Variants in VWA7 observed in about 807,000 individuals in gnomAD.
VWA7 encodes the protein von Willebrand factor A domain-containing protein 7.
A neutral mutation model predicts 83.1 loss-of-function variants in VWA7; 66 were observed. The observed-to-expected ratio is 0.79, with a 90% CI of 0.65 to 0.98. VWA7 has a LOEUF of 0.98. Among genes scored for constraint, VWA7 ranks in the 50% least tolerant of loss-of-function variants. The pLI is 0.00. For missense variants in VWA7, 1,080 were observed against 1,160.2 expected (o/e 0.93, Z 1.00); for synonymous variants, 424 against 488.5 (o/e 0.87, Z 1.74).
intron 5 of VWA7, among the ~76,000 whole-genome samples, chr6:31,774,213 G>C (rs908810280): frequency 6.6e-6 from 1 of 151,404 alleles, no homozygotes; most frequent in African/African-American, 2.4e-5. Flanking sequence ...GGGAATTCTG[G>C]AGTAAATCTT....
chr6:31,771,939 C>T (rs905977060), intron 7 of VWA7: 1 of 141,404 alleles, frequency 7.1e-6, no homozygotes, highest in African/African-American at 2.6e-5. Context: ...TGTAGTGAGC[C>T]GAGATCGCGC....
rs757981628 is a variant in VWA7 at position 31,774,531 on chromosome 6, G to A, written c.706C>T (p.Pro236Ser). The A allele has an allele frequency of 5.0e-6, 8 of 1,612,662 alleles. No homozygotes were observed. The highest frequency in any genetic ancestry group is 1.3e-5 in the African/African-American group (1 of 74,888). ...TGTCTGGTACCTGGAGGTTTCGGGG[G>A]ATGAGTTCCAAAGTAGCCAGAGGTG... The part of the protein sequence containing the change: ...LLTSGYFGTH[P>S]PKPPGKCSHG... Residue 236 changes from proline (P) to serine (S), a missense_variant, in exon 5 of 17, where the codon CCC (proline) becomes TCC (serine). Physicochemically the swap from Pro to Ser is moderately conservative, Grantham distance 74. Transcript: ENST00000375688.
rs1812668045 is a variant in VWA7 at position 31,776,148 on chromosome 6, GCACGAGACACCT to G, written c.317_328del (p.Glu106_Arg109del). The stretch of plus-strand genomic sequence containing the variant: ...TGGCAGGAAGTCCTGGGCTGCATTG[GCACGAGACACCT>G]CACCTAAGGCTGCTCGGAACCGCCG... On this transcript the variant is annotated inframe_deletion, in exon 3 of 17. Coordinates refer to ENST00000375688, the MANE Select transcript of VWA7 (RefSeq NM_025258.3). The surrounding 1 kb of genome is among the most constrained non-coding windows in gnomAD (Gnocchi z 6.2). 6.2e-7 allele frequency: 1 copy of G among 1,613,956 alleles called. No homozygotes were observed. The highest frequency in any genetic ancestry group is 1.3e-5 in the African/African-American group (1 of 74,922).
chr6:31,773,245 G>A lies in VWA7; in HGVS notation c.914C>T (p.Ser305Phe). 5.6e-6 allele frequency: 9 copies of A among 1,602,224 alleles called. No individual in the cohort carries two copies. Among genetic ancestry groups the A allele is most frequent in the African/African-American group, 1.3e-5 (1 of 74,958 alleles). The change falls in exon 6 of 17, where the codon TCC (serine) becomes TTC (phenylalanine). Residue 305 changes from serine (S) to phenylalanine (F), a missense_variant. By Grantham distance (155) the Ser-to-Phe change is radical (BLOSUM62 -2). Transcript: ENST00000375688. This position sits in a 1 kb window ranked among gnomAD's most constrained non-coding sequence, Gnocchi z 5.3. ...LRSRLGDRDF[S>F]RLLDITPASS... is the part of the protein sequence containing the mutation. ...CCATCCCCAGGAGGCCACTCACCTG[G>A]AGAAATCCCTGTCTCCCAGGCGGCT... is the stretch of plus-strand genomic sequence containing the variant.
rs375647167 is a variant in VWA7, at chr6:31,777,294, G to A, written c.-201C>T. On this transcript the variant is annotated 5_prime_UTR_variant, in exon 1 of 17. Coordinates refer to ENST00000375688, the MANE Select transcript of VWA7 (RefSeq NM_025258.3). The surrounding 1 kb of genome is among the most constrained non-coding windows in gnomAD (Gnocchi z 5.8). ...AGCCACAGGCAGCAGCCCACGCCAGGGCGGGCCTCCCTTGGCTGCAGTGCG... is the reference window on the plus strand; with the variant it reads ...AGCCACAGGCAGCAGCCCACGCCAGAGCGGGCCTCCCTTGGCTGCAGTGCG... 1.7e-4 allele frequency: 90 copies of A among 521,784 alleles called. 1 individual carries two copies. In the East Asian group the frequency reaches 2.8e-3, roughly 16 times the overall value. The allele number at this position is 521,784 out of a possible 1,614,324, so 32.3% of individuals were successfully genotyped here.
Position 31,767,146 on chromosome 6 carries a change from G to C in VWA7, c.1882+12C>G, listed in dbSNP as rs1436940023. 7.1e-7 allele frequency: 1 copy of C among 1,407,480 alleles called. No homozygotes were observed. Among genetic ancestry groups the C allele is most frequent in the Admixed American group, 2.8e-5 (1 of 36,116 alleles). The allele number at this position is 1,407,480 out of a possible 1,614,324, so 87.2% of individuals were successfully genotyped here. A position where few individuals can be genotyped will look rare whatever the true frequency, so the allele number is the denominator to read the frequency against. ...GGGGTTAGGTGGGTGGGGGCTCAGG[G>C]AATAAATGTACCTGCAACTGGCTGA... On this transcript the variant is annotated intron_variant, in intron 13 of 16. Coordinates refer to ENST00000375688, the MANE Select transcript of VWA7 (RefSeq NM_025258.3).
Position 31,766,395 on chromosome 6 carries a change from G to C in VWA7, c.2185-11C>G. Reference sequence around the variant, plus strand: ...CGAGGGGCCACTAAGCTGCAGAGAAGGGTTCTTCAGGGAAGGGGCCGCTCT... The same window carrying C: ...CGAGGGGCCACTAAGCTGCAGAGAACGGTTCTTCAGGGAAGGGGCCGCTCT... On this transcript the variant is annotated splice_polypyrimidine_tract_variant and intron_variant, in intron 14 of 16. Transcript: ENST00000375688. The surrounding 1 kb of genome is among the most constrained non-coding windows in gnomAD (Gnocchi z 4.9). 1.3e-6 allele frequency: 2 copies of C among 1,588,672 alleles called. No homozygotes were observed. Among genetic ancestry groups the C allele is most frequent in the Non-Finnish European group, 1.7e-6 (2 of 1,168,110 alleles).
chr6:31,765,959 GCAGT>G lies in VWA7; in HGVS notation c.2419_2422del (p.Thr807GlnfsTer53). 6.2e-7 allele frequency: 1 copy of G among 1,613,112 alleles called. No homozygotes were observed. The highest frequency in any genetic ancestry group is 8.5e-7 in the Non-Finnish European group (1 of 1,180,036). ...TACTGGGTTGGCTTCTCGTCCCCCTGCAGTCACAGTCACCATCACCACGGAATCC... is the reference window on the plus strand; with the variant it reads ...TACTGGGTTGGCTTCTCGTCCCCCTGCACAGTCACCATCACCACGGAATCC... On this transcript the variant is annotated frameshift_variant, in exon 16 of 17. Transcript: ENST00000375688. LOFTEE classifies it high-confidence loss of function.
chr6:31,776,656 A>G lies in VWA7; in HGVS notation c.124T>C (p.Ser42Pro). ...NIWSLLAAPG[S>P]ITHQDLTEEA... ...TCAGTTAGGTCTTGGTGGGTGATGG[A>G]GCCAGGGGCAGCCAGCAGGCTCCAG... Residue 42 changes from serine (S) to proline (P), a missense_variant, in exon 2 of 17, where the codon TCC (serine) becomes CCC (proline). Physicochemically the swap from Ser to Pro is moderately conservative, Grantham distance 74. Transcript: ENST00000375688. This position sits in a 1 kb window ranked among gnomAD's most constrained non-coding sequence, Gnocchi z 6.2. 4 of 1,543,614 alleles carry G rather than the reference A, an allele frequency of 2.6e-6. No homozygotes were observed. Among genetic ancestry groups the G allele is most frequent in the Non-Finnish European group, 3.5e-6 (4 of 1,143,156 alleles).
intron 5 of VWA7, among the ~76,000 whole-genome samples, chr6:31,774,168 A>C (rs1258642834): frequency 2.6e-5 from 4 of 151,126 alleles, no homozygotes; most frequent in Non-Finnish European, 4.4e-5. Flanking sequence ...AAAAAAAAAA[A>C]AAAAAAAGGA....
rs780009321 is a variant in VWA7, at chr6:31,767,758, G to C, written c.1504-4C>G. 3.8e-6 allele frequency: 6 copies of C among 1,598,468 alleles called. No homozygotes were observed. The highest frequency in any genetic ancestry group is 4.3e-6 in the Non-Finnish European group (5 of 1,167,100). Reference sequence around the variant, plus strand: ...GAGGGTCCAGGGGAAGAGTCACCTTGAGGGATTGGCAGGACCAGAAAATGG... The same window carrying C: ...GAGGGTCCAGGGGAAGAGTCACCTTCAGGGATTGGCAGGACCAGAAAATGG... On this transcript the variant is annotated splice_region_variant and splice_polypyrimidine_tract_variant and intron_variant, in intron 10 of 16. Transcript: ENST00000375688.
In VWA7 at chr6:31,765,646, C is replaced by T. The variant is rs897423154; in HGVS notation, c.2624G>A (p.Trp875Ter). The T allele has an allele frequency of 1.9e-5, 31 of 1,609,502 alleles. No individual in the cohort carries two copies. The highest frequency in any genetic ancestry group is 1.0e-4 in the Admixed American group (6 of 59,360). The change falls in exon 17 of 17, where the codon TGG (tryptophan) becomes TAG (stop). Residue 875 changes from tryptophan (W) to a stop codon, truncating the protein, a stop_gained. Transcript: ENST00000375688. LOFTEE classifies it high-confidence loss of function. ...AGAGLAAGSP[W>*]WGTVGGVLLL... ...CAGCACCCCTCCAACTGTGCCCCAC[C>T]AGGGGCTGCCCGCAGCCAGCCCTGC...
intron 10 of VWA7, 87 bp downstream of exon 10, chr6:31,768,931 G>T: frequency 7.3e-7 from 1 of 1,373,652 alleles, no homozygotes; most frequent in South Asian, 1.4e-5. Flanking sequence ...ACACAGCAGT[G>T]AGAGTGATTC....
At chr6:31,774,154 C>CAAAA (rs10581485) in intron 5 of VWA7, among the ~76,000 whole-genome samples, 1 of 61,848 alleles carries the variant, frequency 1.6e-5, no homozygotes, top group Non-Finnish European at 3.0e-5. Flanking sequence ...AACTCCATCT[C>CAAAA]AAAAAAAAAA....
intron 4 of VWA7, among the ~76,000 whole-genome samples, 170 bp from the exon 5 acceptor site, chr6:31,774,796 C>A (rs1204462010): frequency 6.6e-6 from 1 of 152,006 alleles, no homozygotes; most frequent in Non-Finnish European, 1.5e-5. Flanking sequence ...CCGCAGTGAG[C>A]CTGAATGTTT....
In VWA7 at chr6:31,773,384, C is replaced by A; in HGVS notation, c.775G>T (p.Gly259Ter). Residue 259 changes from glycine (G) to a stop codon, truncating the protein, a stop_gained, in exon 6 of 17, where the codon GGA becomes TGA. Transcript: ENST00000375688. LOFTEE classifies it high-confidence loss of function. The surrounding 1 kb of genome is among the most constrained non-coding windows in gnomAD (Gnocchi z 5.3). ...FDRSSSQPPRGGINKDSTSPG... is the reference protein window; with the variant it reads ...FDRSSSQPPR ...GATGTGCTGTCCTTGTTGATGCCTC[C>A]CCTCGGTGGCTGGGAGCTGCTCCGG... 1 of 1,606,470 alleles carries A rather than the reference C, an allele frequency of 6.2e-7. No individual in the cohort carries two copies. Among genetic ancestry groups the A allele is most frequent in the Non-Finnish European group, 8.5e-7 (1 of 1,176,802 alleles).
Position 31,775,908 on chromosome 6 carries a change from C to A in VWA7, c.513+56G>T. 1 of 1,553,236 alleles carries A rather than the reference C, an allele frequency of 6.4e-7. No individual in the cohort carries two copies. ...AAGGCACCATAGGACGCGCTCCATCCCGGACAGGCACGGAAGTGAAGACCC... is the reference window on the plus strand; with the variant it reads ...AAGGCACCATAGGACGCGCTCCATCACGGACAGGCACGGAAGTGAAGACCC... On this transcript the variant is annotated intron_variant, in intron 3 of 16. Transcript: ENST00000375688. The surrounding 1 kb of genome is among the most constrained non-coding windows in gnomAD (Gnocchi z 5.9).
Position 31,769,308 on chromosome 6 carries a change from T to C in VWA7, c.1318-105A>G. ...TTTCTCCAGAGCTGATGGTTTGTGA[T>C]AAGGTCTCTGCCTGCCTTCTGGCTG... On this transcript the variant is annotated intron_variant, in intron 9 of 16. Coordinates refer to ENST00000375688, the MANE Select transcript of VWA7 (RefSeq NM_025258.3). This position sits in a 1 kb window ranked among gnomAD's most constrained non-coding sequence, Gnocchi z 4.5. The C allele has an allele frequency of 2.9e-6, 4 of 1,383,482 alleles. No individual in the cohort carries two copies. The highest frequency in any genetic ancestry group is 3.9e-6 in the Non-Finnish European group (4 of 1,020,752). The allele number at this position is 1,383,482 out of a possible 1,614,324, so 85.7% of individuals were successfully genotyped here.
chr6:31,765,690 C>T lies in VWA7; in HGVS notation c.2580G>A (p.Val860=). The part of the protein sequence containing the change: ...ATPAFSPFTL[V]TQGRAGAGLA... ...GCCCTGCCCCAGCCCTGCCTTGAGT[C>T]ACCAATGTGAAGGGGGAAAAGGCAG... Residue 860 remains valine (V), a synonymous_variant, in exon 17 of 17, where the codon GTG becomes GTA. Transcript: ENST00000375688. The T allele has an allele frequency of 1.2e-6, 2 of 1,600,798 alleles. No individual in the cohort carries two copies. Among genetic ancestry groups the T allele is most frequent in the Non-Finnish European group, 1.7e-6 (2 of 1,173,764 alleles).
Sources: gnomAD v4.1 joint callset for allele counts (sites outside exome capture counted in the v4.1 genomes callset) on GRCh38, gnomAD v4.1.1 for gene constraint, Gnocchi (gnomAD v3.1) non-coding constraint, MANE v1.5 for transcripts, NCBI Gene and HGNC (gene_info 2026-07-23, HGNC 2026-07-21) for gene names.